Variants in BBX observed in about 807,000 individuals in gnomAD.
BBX encodes the protein BBX high mobility group box domain containing, also known as HMG box transcription factor BBX.
Under a neutral mutation model 100.2 loss-of-function variants are expected in BBX, and 30 were observed. That is an observed-to-expected ratio of 0.30 (90% CI 0.22 to 0.41). The LOEUF is 0.41. Ranked by LOEUF, BBX falls within the 10% of genes least tolerant of loss-of-function variation. The pLI is 1.00. For synonymous variants in BBX, 376 were observed against 388.1 expected (o/e 0.97, Z 0.37); for missense variants, 1,023 against 1,129.8 (o/e 0.91, Z 1.35).
chr3:107,678,745 G>T (rs2059417395), intron 3 of BBX, among the ~76,000 whole-genome samples: 1 of 152,080 alleles, frequency 6.6e-6, no homozygotes, highest in Non-Finnish European at 1.5e-5. Flanking sequence ...AAAAAAAGTT[G>T]TTAATTGTAG....
At chr3:107,700,052 C>T (rs1339480292) in intron 3 of BBX, among the ~76,000 whole-genome samples, 1 of 151,924 alleles carries the variant, frequency 6.6e-6, no homozygotes, top group Admixed American at 6.5e-5. Context: ...CTGCATTAGG[C>T]AGTACCATAG....
At chr3:107,792,271 T>G (rs1466341384) in intron 15 of BBX, among the ~76,000 whole-genome samples, 1 of 152,248 alleles carries the variant, frequency 6.6e-6, no homozygotes, top group Admixed American at 6.5e-5. Context: ...TAGGAGTCAC[T>G]TCATTTGAAA....
intron 2 of BBX, among the ~76,000 whole-genome samples, chr3:107,578,641 G>T (rs2052015933): frequency 6.6e-6 from 1 of 152,082 alleles, no homozygotes; most frequent in African/African-American, 2.4e-5. Flanking sequence ...AAGAGCAGAG[G>T]GGCTCGTGGC....
rs1312312962 is a variant in BBX, at chr3:107,805,671, G to C, written c.*214G>C. ...TCTTTGAGGGTAAGGTTATCTGTCT[G>C]ATACTGAGCAGAAACAGAATGATCC... On this transcript the variant is annotated 3_prime_UTR_variant, in exon 18 of 18. Coordinates refer to ENST00000325805, the MANE Select transcript of BBX (RefSeq NM_001142568.3). 1 of 806,260 alleles carries C rather than the reference G, an allele frequency of 1.2e-6. No individual in the cohort carries two copies. The highest frequency in any genetic ancestry group is 3.0e-5 in the Admixed American group (1 of 33,862). 49.9% of individuals were successfully genotyped at this position (806,260 alleles called of 1,614,324 possible).
rs572281577 is a variant in BBX at position 107,558,055 on chromosome 3, T to C, written c.-84+31657T>C. ...GTTTAATAAGTCTTCCAGGTGCTTC[T>C]AATGGTGCTAAAATTTGAGATCTAC... is the stretch of plus-strand genomic sequence containing the variant. On this transcript the variant is annotated intron_variant, in intron 2 of 17. Transcript: ENST00000325805. Among the ~76,000 whole-genome samples, 27 of 152,334 alleles carry C rather than the reference T, an allele frequency of 1.8e-4. 1 individual carries two copies. The highest frequency in any genetic ancestry group is 6.3e-4 in the African/African-American group (26 of 41,580).
At chr3:107,625,267 G>C (rs918579511) in intron 2 of BBX, among the ~76,000 whole-genome samples, 1 of 151,938 alleles carries the variant, frequency 6.6e-6, no homozygotes, top group African/African-American at 2.4e-5. Flanking sequence ...CTCCTCAGCT[G>C]TGTATAATCT....
intron 2 of BBX, among the ~76,000 whole-genome samples, chr3:107,578,838 A>G (rs1237492715): frequency 6.6e-6 from 1 of 152,028 alleles, no homozygotes; most frequent in African/African-American, 2.4e-5. Flanking sequence ...TGCTTGTGAC[A>G]TTTTCCCCAA....
At chr3:107,734,364 A>G (rs1251673752) in intron 7 of BBX, among the ~76,000 whole-genome samples, 2 of 152,162 alleles carry the variant, frequency 1.3e-5, no homozygotes, top group Non-Finnish European at 2.9e-5. Context: ...AAAAACATAC[A>G]TGTTACTTTG....
intron 2 of BBX, among the ~76,000 whole-genome samples, chr3:107,621,351 T>C (rs1025291188): frequency 6.6e-6 from 1 of 152,192 alleles, no homozygotes; most frequent in Non-Finnish European, 1.5e-5. Context: ...AGTCCCGAGC[T>C]TCTCTGCCCT....
chr3:107,599,663 A>G (rs2053925368), intron 2 of BBX: 1 of 152,158 alleles, frequency 6.6e-6, no homozygotes. Context: ...GATGGCTGTA[A>G]GGTCGTAATT....
chr3:107,706,319 G>A lies in BBX; in HGVS notation c.-9-4133G>A, dbSNP rs140689513. Among the ~76,000 whole-genome samples the A allele has an allele frequency of 6.6e-5, 10 of 152,116 alleles. No homozygotes were observed. In the East Asian group the frequency reaches 1.4e-3, roughly 21 times the overall value. On this transcript the variant is annotated intron_variant, in intron 3 of 17. Coordinates refer to ENST00000325805, the MANE Select transcript of BBX (RefSeq NM_001142568.3). ...ATTACAGACGTGAGCCACCACGCCC[G>A]GTTTGGCTTGCTACATTTGAAGAAT...
intron 3 of BBX, among the ~76,000 whole-genome samples, chr3:107,658,412 T>C (rs1257901701): frequency 1.3e-5 from 2 of 152,220 alleles, no homozygotes; most frequent in African/African-American, 4.8e-5. Flanking sequence ...ATAAGTCTTA[T>C]ATTTATTATA....
At chr3:107,535,750 G>T (rs531572871) in intron 2 of BBX, among the ~76,000 whole-genome samples, 1 of 151,962 alleles carries the variant, frequency 6.6e-6, no homozygotes, top group African/African-American at 2.4e-5. Context: ...GGGTCACCAC[G>T]CCCGTCTACT....
intron 2 of BBX, among the ~76,000 whole-genome samples, chr3:107,573,716 A>G (rs1384167575): frequency 6.6e-6 from 1 of 152,186 alleles, no homozygotes; most frequent in Non-Finnish European, 1.5e-5. Flanking sequence ...TGACAGTCCT[A>G]ATTTAAAATC....
At chr3:107,594,364 C>T (rs1226126903) in intron 2 of BBX, among the ~76,000 whole-genome samples, 1 of 152,128 alleles carries the variant, frequency 6.6e-6, no homozygotes, top group African/African-American at 2.4e-5. Context: ...GTCAGTCTTA[C>T]TTAGTCAAGT....
intron 2 of BBX, among the ~76,000 whole-genome samples, chr3:107,606,488 A>G (rs2054451980): frequency 2.0e-5 from 3 of 152,174 alleles, no homozygotes; most frequent in Non-Finnish European, 4.4e-5. Flanking sequence ...GGCTGGCATC[A>G]TATCATAATA....
At chr3:107,557,817 T>C (rs2050191975) in intron 2 of BBX, among the ~76,000 whole-genome samples, 1 of 152,136 alleles carries the variant, frequency 6.6e-6, no homozygotes, top group Non-Finnish European at 1.5e-5. Flanking sequence ...CAGTTGTTAG[T>C]GTTAGGTAAT....
intron 10 of BBX, among the ~76,000 whole-genome samples, chr3:107,769,763 C>T (rs773878790): frequency 3.9e-5 from 6 of 152,046 alleles, no homozygotes; most frequent in South Asian, 2.1e-4. Flanking sequence ...TAGAGTGATA[C>T]GCTCACTGTC....
In BBX at chr3:107,565,904, T is replaced by G. The variant is rs138353614; in HGVS notation, c.-84+39506T>G. ...AGATAGTTTGTTGGGCTGGGCGCCG[T>G]GGCTCACACCTATAATCCTAGCACT... is the stretch of plus-strand genomic sequence containing the variant. On this transcript the variant is annotated intron_variant, in intron 2 of 17. Transcript: ENST00000325805. Among the ~76,000 whole-genome samples, 1,315 of 152,030 alleles carry G rather than the reference T, an allele frequency of 8.6e-3. 25 individuals are homozygous for G. The highest frequency in any genetic ancestry group is 0.03 in the African/African-American group (1,253 of 41,480).
Sources: allele counts gnomAD v4.1 joint callset (sites outside exome capture counted in the v4.1 genomes callset), GRCh38; gene constraint gnomAD v4.1.1; transcripts MANE v1.5; gene names NCBI Gene and HGNC (gene_info 2026-07-23, HGNC 2026-07-21).